The following CCDC3 variants were observed in gnomAD, a reference collection of about 807,000 sequenced individuals.
CCDC3 encodes the protein coiled-coil domain-containing protein 3.
A neutral mutation model predicts 21.4 loss-of-function variants in CCDC3; 24 were observed. The ratio of observed to expected loss-of-function variants is 1.12; its 90% CI spans 0.81 to 1.58. The LOEUF is 1.58. CCDC3 is among the 40% of genes most tolerant of loss of function. CCDC3 has a pLI of 0.00. For missense variants in CCDC3, 425 were observed against 360.9 expected (o/e 1.18, Z -1.44); for synonymous variants, 186 against 166.0 (o/e 1.12, Z -0.93).
chr10:13,002,039 T>C (rs1035508863), upstream of CCDC3, among the ~76,000 whole-genome samples: 1 of 152,188 alleles, frequency 6.6e-6, no homozygotes, highest in South Asian at 2.1e-4. Flanking sequence ...CTGCCTAAGT[T>C]TTTACATTTT....
At chr10:13,056,065 T>C (rs1836676771) in intron 4 of CCDC3, among the ~76,000 whole-genome samples, 1 of 152,224 alleles carries the variant, frequency 6.6e-6, no homozygotes, top group African/African-American at 2.4e-5. Flanking sequence ...GTGTATCAGT[T>C]GTGGTAGGGA....
chr10:12,997,227 A>G (rs1376907237), intron 2 of CCDC3, among the ~76,000 whole-genome samples: 1 of 134,128 alleles, frequency 7.5e-6, no homozygotes, highest in African/African-American at 2.8e-5. Context: ...ACATGTGCAA[A>G]TGGGTTCGTT....
chr10:12,982,467 T>G (rs980785775), intron 2 of CCDC3, among the ~76,000 whole-genome samples: 1 of 151,548 alleles, frequency 6.6e-6, no homozygotes, highest in Non-Finnish European at 1.5e-5. Flanking sequence ...TTGTTAAGAG[T>G]AGATTTCATA....
In CCDC3 at chr10:12,921,381, C is replaced by T. The variant is rs147711368; in HGVS notation, c.550-22702G>A. ...TGTACGTCTGTGGGGAAGGTCAGCC[C>T]GGGGCCCAGAGCTGGCCTGTGCAAC... On this transcript the variant is annotated intron_variant, in intron 2 of 2. Coordinates refer to ENST00000378825, the MANE Select transcript of CCDC3 (RefSeq NM_031455.4). Among the ~76,000 whole-genome samples the T allele has an allele frequency of 3.2e-3, 481 of 152,270 alleles. 2 individuals carry two copies. The highest frequency in any genetic ancestry group is 0.011 in the African/African-American group (437 of 41,550).
intron 5 of CCDC3, among the ~76,000 whole-genome samples, chr10:13,016,863 C>G (rs546097): frequency 0.66 from 99,589 of 151,904 alleles, 33,263 homozygotes; most frequent in East Asian, 0.76. Context: ...TAAGCACTGT[C>G]TATAATACTT....
intron 2 of CCDC3, among the ~76,000 whole-genome samples, chr10:12,923,298 G>C (rs1834480518): frequency 6.6e-6 from 1 of 152,202 alleles, no homozygotes; most frequent in African/African-American, 2.4e-5. Context: ...CCATGAGATA[G>C]ACGGTCCTCC....
intron 2 of CCDC3, among the ~76,000 whole-genome samples, chr10:12,996,319 G>A (rs937481526): frequency 1.3e-5 from 2 of 152,146 alleles, no homozygotes; most frequent in African/African-American, 4.8e-5. Flanking sequence ...TGTCAGTAGG[G>A]CAGAGCTGAG....
chr10:13,003,217 C>T (rs1835880285), upstream of CCDC3, among the ~76,000 whole-genome samples: 1 of 152,202 alleles, frequency 6.6e-6, no homozygotes, highest in African/African-American at 2.4e-5. Flanking sequence ...ATAAGAATTG[C>T]TAAACCTTAG....
chr10:12,996,059 G>C (rs1835757311), intron 2 of CCDC3, among the ~76,000 whole-genome samples: 1 of 152,122 alleles, frequency 6.6e-6, no homozygotes, highest in Non-Finnish European at 1.5e-5. Context: ...CCACAAGATG[G>C]GGAACAAAAG....
intron 5 of CCDC3, among the ~76,000 whole-genome samples, chr10:13,046,164 G>C (rs956352548): frequency 6.6e-6 from 1 of 152,240 alleles, no homozygotes; most frequent in South Asian, 2.1e-4. Flanking sequence ...CCAGCACCTT[G>C]GGAGGCCAAG....
intron 3 of CCDC3, among the ~76,000 whole-genome samples, chr10:13,080,855 G>A (rs1837030573): frequency 6.6e-6 from 1 of 152,266 alleles, no homozygotes; most frequent in Admixed American, 6.5e-5. Flanking sequence ...AGACAGTGGG[G>A]GCTTGGGCAG....
Position 12,968,040 on chromosome 10 carries a change from G to A in CCDC3, c.549+30298C>T, listed in dbSNP as rs980387387. Among the ~76,000 whole-genome samples the A allele has an allele frequency of 1.2e-4, 19 of 152,106 alleles. 1 individual carries two copies. In the South Asian group the frequency reaches 2.5e-3, roughly 20 times the overall value. On this transcript the variant is annotated intron_variant, in intron 2 of 2. Transcript: ENST00000378825. ...AAAAATTAGCCAGGTGTGGTGGCGT[G>A]TGCCTGTAATCCCAGCTACTCTGGA...
At chr10:13,097,763 G>C (rs1361871654) in intron 3 of CCDC3, among the ~76,000 whole-genome samples, 2 of 152,142 alleles carry the variant, frequency 1.3e-5, no homozygotes, top group East Asian at 3.8e-4. Context: ...CTCTGCTTTA[G>C]AGTCCAGAAT....
At chr10:12,988,536 G>A (rs1835633150) in intron 2 of CCDC3, among the ~76,000 whole-genome samples, 1 of 152,126 alleles carries the variant, frequency 6.6e-6, no homozygotes, top group Admixed American at 6.5e-5. Context: ...TAGAGACAGA[G>A]TTTCACCATG....
intron 2 of CCDC3, among the ~76,000 whole-genome samples, chr10:12,920,940 A>T (rs1834441579): frequency 1.3e-5 from 2 of 152,228 alleles, no homozygotes; most frequent in South Asian, 4.1e-4. Context: ...TTTGCAAACC[A>T]GGGGCTCACA....
chr10:13,047,492 A>T (rs188065011), intron 5 of CCDC3, among the ~76,000 whole-genome samples: 1 of 152,346 alleles, frequency 6.6e-6, no homozygotes, highest in East Asian at 1.9e-4. Flanking sequence ...TGCCTCTTAC[A>T]GATTCACAAT....
In CCDC3 at chr10:13,067,923, TG is replaced by T. The variant is rs141489281; in HGVS notation, c.-270+5944del. 3.3e-3 allele frequency among the ~76,000 whole-genome samples: 504 copies of T among 151,634 alleles called. 5 individuals are homozygous for T. The highest frequency in any genetic ancestry group is 0.012 in the African/African-American group (483 of 41,004). ...ATATTTAAAAGGTCTTTACGTTTTT[TG>T]TTTGTTTGTTTGTTTTCTTGGATCT... On this transcript the variant is annotated intron_variant, in intron 4 of 6. Transcript: ENST00000378839.
At chr10:12,954,016 C>A (rs1250934718) in intron 2 of CCDC3, among the ~76,000 whole-genome samples, 1 of 152,114 alleles carries the variant, frequency 6.6e-6, no homozygotes, top group African/African-American at 2.4e-5. Flanking sequence ...TTATTTACAG[C>A]CATCAATTTG....
At chr10:12,909,246 C>A (rs1348675416) in intron 2 of CCDC3, among the ~76,000 whole-genome samples, 1 of 152,206 alleles carries the variant, frequency 6.6e-6, no homozygotes, top group Non-Finnish European at 1.5e-5. Context: ...TGCAGGCATT[C>A]CCTTGGGAAG....
Sources: allele counts gnomAD v4.1 joint callset (sites outside exome capture counted in the v4.1 genomes callset), GRCh38; gene constraint gnomAD v4.1.1; transcripts MANE v1.5; gene names NCBI Gene and HGNC (gene_info 2026-07-23, HGNC 2026-07-21).